Variants in AHCYL2 observed in about 807,000 individuals in gnomAD.
The protein encoded by AHCYL2 is adenosylhomocysteinase like 2.
A neutral mutation model predicts 81.4 loss-of-function variants in AHCYL2; 28 were observed. The observed-to-expected ratio is 0.34, with a 90% CI of 0.25 to 0.47. The LOEUF is 0.47. Among genes scored for constraint, AHCYL2 ranks in the 20% least tolerant of loss-of-function variants. The pLI, the probability that AHCYL2 is intolerant of heterozygous loss-of-function variation, is 1.00. For synonymous variants in AHCYL2, 272 were observed against 290.2 expected (o/e 0.94, Z 0.64); for missense variants, 551 against 785.1 (o/e 0.70, Z 3.56).
rs184499277 is a variant in AHCYL2 at position 129,245,741 on chromosome 7, T to C, written c.363+20302T>C. ...TTACATATACGTACCACATTTTGTT[T>C]ATTCATTTGTTAATGAACAGTTGGG... On this transcript the variant is annotated intron_variant, in intron 1 of 16. Coordinates refer to ENST00000325006, the MANE Select transcript of AHCYL2 (RefSeq NM_015328.4). Among the ~76,000 whole-genome samples the C allele has an allele frequency of 6.6e-5, 10 of 152,382 alleles. No homozygotes were observed. In the East Asian group the frequency reaches 7.7e-4, roughly 12 times the overall value.
intron 1 of AHCYL2, among the ~76,000 whole-genome samples, chr7:129,238,619 C>T (rs905138803): frequency 6.6e-6 from 1 of 152,088 alleles, no homozygotes; most frequent in African/African-American, 2.4e-5. Context: ...GAGGTCAGCA[C>T]TGAAATTGAG....
chr7:129,389,606 T>TAA, intron 3 of AHCYL2, 28 bp from the exon 4 acceptor site: 1 of 1,520,962 alleles, frequency 6.6e-7, no homozygotes, highest in Non-Finnish European at 9.0e-7. Context: ...TCTTCTTTAA[T>TAA]ATTGCTGTAT....
At chr7:129,383,328 G>A (rs768486935) in intron 2 of AHCYL2, among the ~76,000 whole-genome samples, 3 of 151,878 alleles carry the variant, frequency 2.0e-5, no homozygotes, top group Non-Finnish European at 4.4e-5. Flanking sequence ...ATCACATCTG[G>A]CTAATTTTTT....
At chr7:129,405,957 G>A in intron 9 of AHCYL2, 58 bp downstream of exon 9, 1 of 1,550,790 alleles carries the variant, frequency 6.4e-7, no homozygotes, top group East Asian at 2.2e-5. Flanking sequence ...GAAATATTCT[G>A]GAATTTTTTA....
At chr7:129,398,186 A>G (rs1795834302) in intron 5 of AHCYL2, among the ~76,000 whole-genome samples, 1 of 150,868 alleles carries the variant, frequency 6.6e-6, no homozygotes, top group South Asian at 2.1e-4. Flanking sequence ...TTTAAAAAAA[A>G]TGTTTGAAGA....
chr7:129,322,134 G>A (rs534437618), intron 1 of AHCYL2, among the ~76,000 whole-genome samples: 1 of 150,188 alleles, frequency 6.7e-6, no homozygotes. Context: ...TGTGTGTATA[G>A]GAAGGTAAGG....
Position 129,419,957 on chromosome 7 carries a change from C to T in AHCYL2, c.1462-2883C>T, listed in dbSNP as rs1233285810. 1.3e-5 allele frequency among the ~76,000 whole-genome samples: 2 copies of T among 152,120 alleles called. No homozygotes were observed. The highest frequency in any genetic ancestry group is 2.4e-5 in the African/African-American group (1 of 41,424). On this transcript the variant is annotated intron_variant, in intron 12 of 16. Transcript: ENST00000325006. This position sits in a 1 kb window ranked among gnomAD's most constrained non-coding sequence, Gnocchi z 4.7. ...GAGATTCTTGTCAAGTTGTGCCAGC[C>T]GTAAGGTAGGAAACCCTTCTGCTCT...
At chr7:129,240,727 A>T (rs1440067507) in intron 1 of AHCYL2, among the ~76,000 whole-genome samples, 1 of 151,086 alleles carries the variant, frequency 6.6e-6, no homozygotes, top group Non-Finnish European at 1.5e-5. Context: ...TAATTAACAC[A>T]CTCCCTTGGT....
intron 1 of AHCYL2, among the ~76,000 whole-genome samples, chr7:129,361,428 C>T (rs576150465): frequency 6.6e-6 from 1 of 152,232 alleles, no homozygotes; most frequent in Non-Finnish European, 1.5e-5. Context: ...TATTTAATTG[C>T]CTCTCTCCTT....
At chr7:129,354,836 G>A (rs777820377) in intron 1 of AHCYL2, among the ~76,000 whole-genome samples, 6 of 152,276 alleles carry the variant, frequency 3.9e-5, no homozygotes, top group Middle Eastern at 3.4e-3. Context: ...TATAGCTCCC[G>A]TAGGAAATAA....
At chr7:129,390,010 G>A (rs1235298706) in intron 4 of AHCYL2, among the ~76,000 whole-genome samples, 1 of 152,160 alleles carries the variant, frequency 6.6e-6, no homozygotes, top group Non-Finnish European at 1.5e-5. Context: ...TGCCTTGTCT[G>A]TGGGGGATAA....
chr7:129,354,324 A>G (rs1302260200), intron 1 of AHCYL2, among the ~76,000 whole-genome samples: 2 of 152,198 alleles, frequency 1.3e-5, no homozygotes, highest in Non-Finnish European at 2.9e-5. Flanking sequence ...GTTGGAAAAG[A>G]AATTGTTTCC....
rs564996030 is a variant in AHCYL2 at position 129,309,434 on chromosome 7, G to A, written c.364-70204G>A. On this transcript the variant is annotated intron_variant, in intron 1 of 16. Coordinates refer to ENST00000325006, the MANE Select transcript of AHCYL2 (RefSeq NM_015328.4). ...ACATGCCTGTAGTCCCAGCTACGTGGGAGGTTAAGGTGAGAGGATCACTTG... is the reference window on the plus strand; with the variant it reads ...ACATGCCTGTAGTCCCAGCTACGTGAGAGGTTAAGGTGAGAGGATCACTTG... 3.3e-5 allele frequency among the ~76,000 whole-genome samples: 5 copies of A among 151,972 alleles called. No homozygotes were observed. In the South Asian group the frequency reaches 1.0e-3, roughly 32 times the overall value.
chr7:129,412,436 A>C (rs1796628301), intron 11 of AHCYL2, among the ~76,000 whole-genome samples: 1 of 151,370 alleles, frequency 6.6e-6, no homozygotes, highest in African/African-American at 2.4e-5. Flanking sequence ...GCACACCACC[A>C]CACCCGGCTA....
At chr7:129,239,646 AAAGC>A (rs1794773006) in intron 1 of AHCYL2, among the ~76,000 whole-genome samples, 1 of 152,112 alleles carries the variant, frequency 6.6e-6, no homozygotes, top group African/African-American at 2.4e-5. Context: ...TCAGAGTAGA[AAAGC>A]AAGAAAATAA....
intron 1 of AHCYL2, among the ~76,000 whole-genome samples, chr7:129,269,775 G>A (rs1366100577): frequency 3.3e-5 from 5 of 152,160 alleles, no homozygotes; most frequent in African/African-American, 1.2e-4. Flanking sequence ...AAATTTTACA[G>A]TGTCTATAGA....
At chr7:129,283,539 T>C (rs1796523233) in intron 1 of AHCYL2, 1 of 361,034 alleles carries the variant, frequency 2.8e-6, no homozygotes, top group African/African-American at 2.1e-5. Flanking sequence ...TAAATGGATA[T>C]ATTTGCCAAA....
rs1394903760 is a variant in AHCYL2 at position 129,428,486 on chromosome 7, C to G, written c.*1441C>G. ...GTTAGTCTGGACTGGCCCTAGGAAA[C>G]TTGAATTAAATAAGCCTCTTCCCCT... On this transcript the variant is annotated 3_prime_UTR_variant, in exon 17 of 17. Coordinates refer to ENST00000325006, the MANE Select transcript of AHCYL2 (RefSeq NM_015328.4). 1 of 152,204 alleles carries G rather than the reference C, an allele frequency of 6.6e-6. No homozygotes were observed. Among genetic ancestry groups the G allele is most frequent in the African/African-American group, 2.4e-5 (1 of 41,444 alleles). 9.4% of individuals were successfully genotyped at this position (152,204 alleles called of 1,614,324 possible). A position where few individuals can be genotyped will look rare whatever the true frequency, so the allele number is the denominator to read the frequency against.
intron 1 of AHCYL2, among the ~76,000 whole-genome samples, chr7:129,244,477 G>T (rs1207373325): frequency 2.0e-5 from 3 of 152,170 alleles, no homozygotes; most frequent in African/African-American, 7.2e-5. Flanking sequence ...CTTTCTCATG[G>T]TTCTGGAGGC....
Sources: allele counts gnomAD v4.1 joint callset (sites outside exome capture counted in the v4.1 genomes callset), GRCh38; gene constraint gnomAD v4.1.1; non-coding constraint Gnocchi (gnomAD v3.1); transcripts MANE v1.5; gene names NCBI Gene and HGNC (gene_info 2026-07-23, HGNC 2026-07-21).